Variants in PDE10A observed in about 807,000 individuals in gnomAD.
PDE10A encodes the protein cAMP and cAMP-inhibited cGMP 3',5'-cyclic phosphodiesterase 10A.
PDE10A carries 39 observed loss-of-function variants against 97.7 expected under a neutral mutation model. The observed-to-expected ratio is 0.40, with a 90% CI of 0.31 to 0.52. The LOEUF (loss-of-function observed/expected upper bound fraction) is 0.52, where lower values mean the gene tolerates loss of function less well. Among genes scored for constraint, PDE10A ranks in the 20% least tolerant of loss-of-function variants. The pLI, the probability that PDE10A is intolerant of heterozygous loss-of-function variation, is 0.56. For missense variants in PDE10A, 731 were observed against 1,047.8 expected (o/e 0.70, Z 4.17); for synonymous variants, 371 against 376.8 (o/e 0.98, Z 0.18).
chr6:165,939,603 C>T (rs887338574), intron 1 of PDE10A: 3 of 152,186 alleles, frequency 2.0e-5, no homozygotes, highest in African/African-American at 4.8e-5. Flanking sequence ...ATGAATATGA[C>T]TTGGGTTCTT....
chr6:165,809,304 C>T (rs1779218314), intron 1 of PDE10A, among the ~76,000 whole-genome samples: 1 of 152,226 alleles, frequency 6.6e-6, no homozygotes. Flanking sequence ...CTGCCCTCTA[C>T]AGTCAGTCCT....
At chr6:165,855,729 C>T (rs920291516) in intron 1 of PDE10A, among the ~76,000 whole-genome samples, 2 of 151,942 alleles carry the variant, frequency 1.3e-5, no homozygotes, top group African/African-American at 2.4e-5. Context: ...AACTTTCAAA[C>T]GGACACCGAG....
At chr6:165,346,649 C>G (rs1782329838) in intron 18 of PDE10A, among the ~76,000 whole-genome samples, 1 of 152,166 alleles carries the variant, frequency 6.6e-6, no homozygotes, top group African/African-American at 2.4e-5. Flanking sequence ...ATAGACCACA[C>G]AGCCTGCAGT....
intron 1 of PDE10A, among the ~76,000 whole-genome samples, chr6:165,783,739 C>T (rs1235878960): frequency 6.6e-6 from 1 of 152,158 alleles, no homozygotes; most frequent in Admixed American, 6.5e-5. Context: ...AGACTGAGAT[C>T]TAGGAACAAG....
intron 1 of PDE10A, among the ~76,000 whole-genome samples, chr6:165,618,782 G>A (rs1210083597): frequency 6.6e-5 from 10 of 152,308 alleles, no homozygotes; most frequent in Non-Finnish European, 1.3e-4. Flanking sequence ...CAAGAGAGTC[G>A]CAACTAAAAC....
At chr6:165,702,496 A>C (rs1791604111) in intron 1 of PDE10A, among the ~76,000 whole-genome samples, 1 of 152,260 alleles carries the variant, frequency 6.6e-6, no homozygotes, top group African/African-American at 2.4e-5. Context: ...TTCCGAGGAC[A>C]TGTGGGCAGT....
At chr6:165,861,789 G>A (rs916755385) in intron 1 of PDE10A, among the ~76,000 whole-genome samples, 11 of 152,172 alleles carry the variant, frequency 7.2e-5, no homozygotes, top group Non-Finnish European at 1.2e-4. Flanking sequence ...TGACAAGGAT[G>A]TGCCACTCCA....
intron 1 of PDE10A, among the ~76,000 whole-genome samples, chr6:165,844,998 C>T (rs1015364034): frequency 3.3e-5 from 5 of 152,168 alleles, no homozygotes; most frequent in Non-Finnish European, 1.5e-5. Context: ...AAGTATCTGC[C>T]ATTATGCTTA....
chr6:165,639,686 C>A (rs1789035914), intron 1 of PDE10A, among the ~76,000 whole-genome samples: 1 of 149,330 alleles, frequency 6.7e-6, no homozygotes, highest in Non-Finnish European at 1.5e-5. Flanking sequence ...TTACAAGGAG[C>A]CGAGGTTGCA....
intron 1 of PDE10A, among the ~76,000 whole-genome samples, chr6:165,642,882 T>C (rs953293185): frequency 1.3e-5 from 2 of 152,120 alleles, no homozygotes; most frequent in Admixed American, 1.3e-4. Flanking sequence ...CAAGTTTAAA[T>C]AGTTGTGAAT....
chr6:165,547,393 CATTAATTTTCGCAGTGCAATCTGCAA>C (rs1169409319), intron 1 of PDE10A, among the ~76,000 whole-genome samples: 1 of 152,052 alleles, frequency 6.6e-6, no homozygotes, highest in Non-Finnish European at 1.5e-5. Flanking sequence ...TGATGAATTT[CATTAATTTTCGCAGTGCAATCTGCAA>C]ATGCCCATGG....
chr6:165,481,212 C>G (rs1779587666), intron 3 of PDE10A, among the ~76,000 whole-genome samples: 1 of 152,170 alleles, frequency 6.6e-6, no homozygotes, highest in Admixed American at 6.5e-5. Context: ...CTCCTAGCAG[C>G]TGCCAAAATT....
intron 1 of PDE10A, among the ~76,000 whole-genome samples, chr6:165,649,438 C>T (rs1789567005): frequency 1.3e-5 from 2 of 151,934 alleles, no homozygotes; most frequent in South Asian, 4.2e-4. Flanking sequence ...CCAAGGAAAA[C>T]CAGGGCGGAG....
chr6:165,587,442 TG>T (rs999102313), intron 1 of PDE10A, among the ~76,000 whole-genome samples: 27 of 152,156 alleles, frequency 1.8e-4, no homozygotes, highest in African/African-American at 6.3e-4. Context: ...GGGTCCTAGA[TG>T]GGGGTAAGTT....
intron 1 of PDE10A, among the ~76,000 whole-genome samples, chr6:165,801,150 A>G (rs1304835659): frequency 1.3e-5 from 2 of 152,244 alleles, no homozygotes; most frequent in Non-Finnish European, 2.9e-5. Flanking sequence ...GTCAGTGTCC[A>G]TAATAGAGAC....
At chr6:165,354,825 C>T (rs558250085) in intron 18 of PDE10A, among the ~76,000 whole-genome samples, 5 of 152,152 alleles carry the variant, frequency 3.3e-5, no homozygotes, top group Non-Finnish European at 7.3e-5. Flanking sequence ...CATTTCTACG[C>T]TGGTGGTAAA....
chr6:165,424,204 T>C (rs980501232), intron 10 of PDE10A, among the ~76,000 whole-genome samples: 5 of 152,156 alleles, frequency 3.3e-5, no homozygotes, highest in Non-Finnish European at 7.3e-5. Context: ...CCAGCTACGT[T>C]AGATCCCATC....
rs567783769 is a variant in PDE10A at position 165,520,237 on chromosome 6, T to C, written c.994+23203A>G. Among the ~76,000 whole-genome samples the C allele has an allele frequency of 2.0e-5, 3 of 152,300 alleles. No individual in the cohort carries two copies. In the South Asian group the frequency reaches 6.2e-4, roughly 32 times the overall value. On this transcript the variant is annotated intron_variant, in intron 2 of 21. Transcript: ENST00000539869. ...AAAGGAAGAATAGTTTGAAGCACGT[T>C]CTATCATAAAATTCCTAATAAACAG... is the stretch of plus-strand genomic sequence containing the variant.
chr6:165,643,550 G>A (rs756223433), intron 1 of PDE10A, among the ~76,000 whole-genome samples: 3 of 152,064 alleles, frequency 2.0e-5, no homozygotes, highest in East Asian at 1.9e-4. Flanking sequence ...TTTGGAAATC[G>A]GAGAAAGTCA....
Sources: allele counts gnomAD v4.1 joint callset (sites outside exome capture counted in the v4.1 genomes callset), GRCh38; gene constraint gnomAD v4.1.1; transcripts MANE v1.5; gene names NCBI Gene and HGNC (gene_info 2026-07-23, HGNC 2026-07-21).